Variants in IKZF3 observed in about 807,000 individuals in gnomAD.
IKZF3 encodes the protein zinc finger protein Aiolos.
IKZF3 carries 10 observed loss-of-function variants against 49.0 expected under a neutral mutation model. That is an observed-to-expected ratio of 0.20 (90% CI 0.13 to 0.35). IKZF3 has a LOEUF of 0.35. Ranked by LOEUF, IKZF3 falls within the 10% of genes least tolerant of loss-of-function variation. IKZF3 has a pLI of 1.00. For missense variants in IKZF3, 498 were observed against 664.8 expected (o/e 0.75, Z 2.76); for synonymous variants, 209 against 228.2 (o/e 0.92, Z 0.76).
Position 39,792,923 on chromosome 17 carries a change from C to A in IKZF3, c.174G>T (p.Met58Ile). The A allele has an allele frequency of 6.2e-7, 1 of 1,613,192 alleles. No individual in the cohort carries two copies. The highest frequency in any genetic ancestry group is 8.5e-7 in the Non-Finnish European group (1 of 1,179,578). ...TTTCACTGTATTCATCTTTCACTTT[C>A]ATTGAATCATCTGCAGGGAAGAAAA... ...NEDEDIGDDS[M>I]KVKDEYSERD... is the part of the protein sequence containing the mutation. Residue 58 changes from methionine (M) to isoleucine (I), a missense_variant, in exon 4 of 8, where the codon ATG becomes ATT. Physicochemically the swap from Met to Ile is conservative, Grantham distance 10 (BLOSUM62 1). Coordinates refer to ENST00000346872, the MANE Select transcript of IKZF3 (RefSeq NM_012481.5).
intron 1 of IKZF3, among the ~76,000 whole-genome samples, chr17:39,833,503 G>A (rs964787326): frequency 6.6e-6 from 1 of 152,090 alleles, no homozygotes; most frequent in African/African-American, 2.4e-5. Context: ...CATAAAAACA[G>A]AATCACACAG....
At chr17:39,823,458 C>A (rs191966001) in intron 3 of IKZF3, among the ~76,000 whole-genome samples, 1 of 152,300 alleles carries the variant, frequency 6.6e-6, no homozygotes, top group Admixed American at 6.5e-5. Flanking sequence ...TTCAAACCAG[C>A]TGCATAAATT....
Position 39,799,284 on chromosome 17 carries a change from GC to G in IKZF3, c.164-6352del, listed in dbSNP as rs139856087. 6.2e-3 allele frequency among the ~76,000 whole-genome samples: 950 copies of G among 152,216 alleles called. 9 individuals carry two copies. Among genetic ancestry groups the G allele is most frequent in the African/African-American group, 0.021 (882 of 41,530 alleles). On this transcript the variant is annotated intron_variant, in intron 3 of 7. Transcript: ENST00000346872. ...GGTGTATGAATATATCATTGCATTA[GC>G]CTCCTAACTGGCCCACGGTACATGT...
chr17:39,831,574 C>T (rs769620284), intron 2 of IKZF3, among the ~76,000 whole-genome samples: 8 of 152,234 alleles, frequency 5.3e-5, no homozygotes, highest in Middle Eastern at 6.8e-3. Context: ...GATCAGTAAA[C>T]TATGGCCTGA....
At chr17:39,822,646 G>A (rs1281821250) in intron 3 of IKZF3, among the ~76,000 whole-genome samples, 2 of 148,948 alleles carry the variant, frequency 1.3e-5, no homozygotes, top group Non-Finnish European at 3.0e-5. Flanking sequence ...GCAGTGGCGC[G>A]ATCTTGGCTC....
intron 3 of IKZF3, among the ~76,000 whole-genome samples, chr17:39,811,370 AGAAG>A (rs539143313): frequency 6.9e-4 from 104 of 151,100 alleles, no homozygotes; most frequent in African/African-American, 1.3e-3. Flanking sequence ...AGGGAAAGAA[AGAAG>A]GAAGGAAGGA....
Position 39,814,924 on chromosome 17 carries a change from GCA to G in IKZF3, c.163+14461_163+14462del, listed in dbSNP as rs551862342. ...GACAGAGGGTAAATGTGCAACTCAGGCAGGGTAAACAGCTAGTGTTGATGGGT... is the reference window on the plus strand; with the variant it reads ...GACAGAGGGTAAATGTGCAACTCAGGGGGTAAACAGCTAGTGTTGATGGGT... On this transcript the variant is annotated intron_variant, in intron 3 of 7. Coordinates refer to ENST00000346872, the MANE Select transcript of IKZF3 (RefSeq NM_012481.5). Among the ~76,000 whole-genome samples, 46 of 152,258 alleles carry G rather than the reference GCA, an allele frequency of 3.0e-4. 1 individual carries two copies. In the South Asian group the frequency reaches 8.7e-3, roughly 29 times the overall value.
At chr17:39,793,369 A>G (rs898495347) in intron 3 of IKZF3, among the ~76,000 whole-genome samples, 1 of 152,184 alleles carries the variant, frequency 6.6e-6, no homozygotes, top group Non-Finnish European at 1.5e-5. Context: ...AATCCTTCAG[A>G]TGCATCCAGT....
chr17:39,841,776 G>A (rs550804460), intron 1 of IKZF3, among the ~76,000 whole-genome samples: 29 of 152,256 alleles, frequency 1.9e-4, no homozygotes, highest in African/African-American at 6.0e-4. Context: ...CAGGCGAGGT[G>A]ACTCATGCCT....
At chr17:39,853,066 C>A (rs2062927718) in intron 1 of IKZF3, among the ~76,000 whole-genome samples, 1 of 152,182 alleles carries the variant, frequency 6.6e-6, no homozygotes, top group Non-Finnish European at 1.5e-5. Flanking sequence ...AGGTCCCTGA[C>A]CCTGCCTCCT....
At chr17:39,839,389 T>C in intron 1 of IKZF3, 1 of 601,460 alleles carries the variant, frequency 1.7e-6, no homozygotes, top group South Asian at 1.5e-5. Flanking sequence ...AGCTTGGTTC[T>C]TTTCCAATGT....
In IKZF3 at chr17:39,788,263, T is replaced by A. The variant is rs1330317767; in HGVS notation, c.704A>T (p.Asp235Val). 2 of 1,606,790 alleles carry A rather than the reference T, an allele frequency of 1.2e-6. No homozygotes were observed. Among genetic ancestry groups the A allele is most frequent in the South Asian group, 2.2e-5 (2 of 90,898 alleles). ...RTFLQSTDPG[D>V]TASAEARHIK... ...CGTGTGTTGCGTGAACTCACCAGTG[T>A]CCCCTGGGTCAGTGCTCTGAAGAAA... The change falls in exon 6 of 8, where the codon GAC (aspartate) becomes GTC (valine). Residue 235 changes from aspartate to valine, a missense_variant. By Grantham distance (152) the Asp-to-Val change is radical. This residue lies in a region of IKZF3 where 317 missense variants were observed against 397.3 expected (regional missense o/e 0.80). Coordinates refer to ENST00000346872, the MANE Select transcript of IKZF3 (RefSeq NM_012481.5).
At chr17:39,833,201 C>T (rs1032871272) in intron 1 of IKZF3, among the ~76,000 whole-genome samples, 1 of 152,136 alleles carries the variant, frequency 6.6e-6, no homozygotes, top group African/African-American at 2.4e-5. Context: ...TACCTCAGTC[C>T]TAACATTTCA....
At chr17:39,808,786 C>T (rs1328190135) in intron 3 of IKZF3, among the ~76,000 whole-genome samples, 1 of 152,078 alleles carries the variant, frequency 6.6e-6, no homozygotes, top group Non-Finnish European at 1.5e-5. Flanking sequence ...GAAAATCAAG[C>T]TGATGGTAAG....
intron 1 of IKZF3, among the ~76,000 whole-genome samples, chr17:39,846,362 G>C (rs2062630853): frequency 6.6e-6 from 1 of 152,054 alleles, no homozygotes; most frequent in South Asian, 2.1e-4. Context: ...TAGAAAACAA[G>C]ACTTCATCAC....
At chr17:39,828,108 G>C (rs2062006811) in intron 3 of IKZF3, among the ~76,000 whole-genome samples, 1 of 152,272 alleles carries the variant, frequency 6.6e-6, no homozygotes, top group South Asian at 2.1e-4. Flanking sequence ...TGCAATACCA[G>C]CACTGTAATT....
chr17:39,815,858 C>T (rs2061667251), intron 3 of IKZF3, among the ~76,000 whole-genome samples: 1 of 152,166 alleles, frequency 6.6e-6, no homozygotes, highest in Non-Finnish European at 1.5e-5. Flanking sequence ...GATTATATCA[C>T]TTCATAGGTA....
chr17:39,777,266 C>T (rs1597975157), intron 7 of IKZF3, among the ~76,000 whole-genome samples: 2 of 152,278 alleles, frequency 1.3e-5, no homozygotes, highest in East Asian at 1.9e-4. Flanking sequence ...TTTGAGCATG[C>T]TAACGAACCA....
chr17:39,823,696 A>G (rs914991145), intron 3 of IKZF3, among the ~76,000 whole-genome samples: 2 of 152,208 alleles, frequency 1.3e-5, no homozygotes, highest in African/African-American at 2.4e-5. Flanking sequence ...GCAAAGGTAC[A>G]GCTCAGGCTG....
Sources: allele counts gnomAD v4.1 joint callset (sites outside exome capture counted in the v4.1 genomes callset), GRCh38; gene constraint gnomAD v4.1.1; regional missense constraint gnomAD v4.1.1; transcripts MANE v1.5; gene names NCBI Gene and HGNC (gene_info 2026-07-23, HGNC 2026-07-21).